STON2: variants seen among roughly 807,000 people sequenced by gnomAD.
STON2 encodes stonin 2.
A neutral mutation model predicts 65.7 loss-of-function variants in STON2; 29 were observed. That is an observed-to-expected ratio of 0.44 (90% CI 0.33 to 0.60). STON2 has a LOEUF of 0.60. Ranked by LOEUF, STON2 falls within the 20% of genes least tolerant of loss-of-function variation. STON2 has a pLI of 0.03. For synonymous variants in STON2, 404 were observed against 414.2 expected, an observed-to-expected ratio of 0.98 and a Z score of 0.30; for missense variants, 1,054 against 1,118.1, an observed-to-expected ratio of 0.94 and a Z score of 0.82.
intron 2 of STON2, among the ~76,000 whole-genome samples, chr14:81,418,604 G>A (rs1257099831): frequency 1.3e-5 from 2 of 152,148 alleles, no homozygotes; most frequent in Non-Finnish European, 2.9e-5. Flanking sequence ...TCCTGATTAT[G>A]TGCTTCCCTG....
At chr14:81,319,912 G>T (rs2140238452) in intron 5 of STON2, among the ~76,000 whole-genome samples, 1 of 152,238 alleles carries the variant, frequency 6.6e-6, no homozygotes, top group East Asian at 1.9e-4. Flanking sequence ...ACCCCATAAG[G>T]GGACCATGTC....
At position 81,349,479 on chromosome 14, in the gene STON2, G is replaced by GA. The variant is rs528040149; in HGVS notation, c.571+21508dup. 4.6e-5 allele frequency among the ~76,000 whole-genome samples: 7 copies of GA among 152,068 alleles called. No individual in the cohort carries two copies. In the South Asian group the frequency reaches 1.0e-3, roughly 23 times the overall value. On this transcript the variant is annotated intron_variant, in intron 4 of 7. Transcript: ENST00000614646. ...ACATACAAATGGCCAACAGGCATAT[G>GA]AAAAAAATGCTAAATATCACAAATC...
intron 5 of STON2, among the ~76,000 whole-genome samples, chr14:81,321,394 T>C (rs1595349710): frequency 6.6e-6 from 1 of 150,674 alleles, no homozygotes; most frequent in East Asian, 2.0e-4. Flanking sequence ...AAAAAAGAAT[T>C]CCAGAAACCA....
chr14:81,389,000 C>T (rs4275784), intron 3 of STON2, among the ~76,000 whole-genome samples: 31,410 of 152,100 alleles, frequency 0.21, 4,166 homozygotes, highest in East Asian at 0.44. Flanking sequence ...TTTTCTCTTA[C>T]GACCTTCTCA....
intron 2 of STON2, among the ~76,000 whole-genome samples, chr14:81,415,822 T>C (rs899395016): frequency 6.6e-6 from 1 of 152,106 alleles, no homozygotes; most frequent in Non-Finnish European, 1.5e-5. Flanking sequence ...AAAAAAATCA[T>C]AATATTTTTC....
intron 1 of STON2, among the ~76,000 whole-genome samples, 113 bp downstream of exon 1, chr14:81,400,166 T>C (rs1436411077): frequency 6.6e-5 from 10 of 152,136 alleles, no homozygotes; most frequent in Non-Finnish European, 1.3e-4. Context: ...GTATAAAGGA[T>C]GGGAAGCCCA....
chr14:81,306,220 CTTTTT>C (rs59730707), intron 5 of STON2, among the ~76,000 whole-genome samples: 1 of 69,510 alleles, frequency 1.4e-5, no homozygotes, highest in Non-Finnish European at 2.6e-5. Flanking sequence ...CATACATACT[CTTTTT>C]TTTTTTTTTT....
At chr14:81,317,351 T>G (rs1031562006) in intron 5 of STON2, among the ~76,000 whole-genome samples, 26 of 152,272 alleles carry the variant, frequency 1.7e-4, no homozygotes, top group African/African-American at 6.3e-4. Context: ...CATTTCAACA[T>G]GAGAATTGGA....
At chr14:81,409,724 T>TA (rs1380092655) in intron 2 of STON2, among the ~76,000 whole-genome samples, 1 of 152,078 alleles carries the variant, frequency 6.6e-6, no homozygotes, top group African/African-American at 2.4e-5. Context: ...CCTGACTCTA[T>TA]AAATTCTGCA....
At chr14:81,432,777 G>C (rs566268754) in intron 1 of STON2, among the ~76,000 whole-genome samples, 2 of 152,328 alleles carry the variant, frequency 1.3e-5, no homozygotes, top group African/African-American at 4.8e-5. Context: ...TACACCTAGA[G>C]ACTCAGCTAC....
chr14:81,300,370 T>G (rs1895925921), intron 5 of STON2, among the ~76,000 whole-genome samples: 1 of 152,032 alleles, frequency 6.6e-6, no homozygotes, highest in Non-Finnish European at 1.5e-5. Flanking sequence ...CTCCATGACC[T>G]TAGGGTAGGC....
chr14:81,371,676 T>TCA lies in STON2; in HGVS notation c.374-492_374-491insTG, dbSNP rs58782661. Among the ~76,000 whole-genome samples, 258 of 97,590 alleles carry TCA rather than the reference T, an allele frequency of 2.6e-3. 10 individuals are homozygous for TCA. Among genetic ancestry groups the TCA allele is most frequent in the East Asian group, 0.01 (22 of 2,098 alleles). 64.0% of individuals were successfully genotyped at this position (97,590 alleles called of 152,430 possible). On this transcript the variant is annotated intron_variant, in intron 3 of 7. Transcript: ENST00000614646. ...ACAACAGAATGAATGAGACTGAGTC[T>TCA]AAAAAAAAAAAAAAAGAAAAGAAAA...
intron 5 of STON2, among the ~76,000 whole-genome samples, chr14:81,316,506 A>G (rs1461168359): frequency 6.6e-6 from 1 of 152,204 alleles, no homozygotes; most frequent in Non-Finnish European, 1.5e-5. Context: ...TCAGTAAGTA[A>G]TGCTTGTTTT....
At chr14:81,323,859 C>T (rs765777598) in intron 5 of STON2, among the ~76,000 whole-genome samples, 158 bp downstream of exon 5, 44 of 151,906 alleles carry the variant, frequency 2.9e-4, no homozygotes, top group African/African-American at 1.0e-3. Context: ...AACCCTCCTG[C>T]GAAAAGACAT....
At chr14:81,398,787 T>A (rs73341970) in intron 1 of STON2, among the ~76,000 whole-genome samples, 1 of 152,216 alleles carries the variant, frequency 6.6e-6, no homozygotes, top group Non-Finnish European at 1.5e-5. Context: ...TAAGCCTTCA[T>A]ATCACACTTG....
chr14:81,351,467 A>AG (rs1566922156), intron 4 of STON2, among the ~76,000 whole-genome samples: 1 of 152,102 alleles, frequency 6.6e-6, no homozygotes, highest in Non-Finnish European at 1.5e-5. Context: ...GGGATAGCTT[A>AG]CTTTGAATTT....
intron 2 of STON2, among the ~76,000 whole-genome samples, chr14:81,408,202 TAAAAGA>T (rs1025159344): frequency 2.0e-5 from 3 of 151,996 alleles, no homozygotes; most frequent in African/African-American, 7.3e-5. Flanking sequence ...TTGATGCTCC[TAAAAGA>T]GAAAATGAGT....
At chr14:81,295,406 A>C (rs1220628383) in intron 5 of STON2, among the ~76,000 whole-genome samples, 1 of 152,236 alleles carries the variant, frequency 6.6e-6, no homozygotes, top group Non-Finnish European at 1.5e-5. Context: ...CAGCTCTATT[A>C]AACCAAAACT....
intron 3 of STON2, among the ~76,000 whole-genome samples, chr14:81,385,135 T>C (rs1347905840): frequency 6.6e-6 from 1 of 152,236 alleles, no homozygotes; most frequent in Non-Finnish European, 1.5e-5. Flanking sequence ...AACTAGTTAA[T>C]TGATGCATGC....
Sources: gnomAD v4.1 joint callset for allele counts (sites outside exome capture counted in the v4.1 genomes callset) on GRCh38, gnomAD v4.1.1 for gene constraint, MANE v1.5 for transcripts, NCBI Gene and HGNC (gene_info 2026-07-23, HGNC 2026-07-21) for gene names.